The following EIF2AK1 variants were observed in gnomAD, a reference collection of about 807,000 sequenced individuals.
EIF2AK1 encodes eukaryotic translation initiation factor 2-alpha kinase 1.
Under a neutral mutation model 77.9 loss-of-function variants are expected in EIF2AK1, and 54 were observed. The observed-to-expected ratio is 0.69, with a 90% CI of 0.56 to 0.87. The LOEUF (loss-of-function observed/expected upper bound fraction) is 0.87. Ranked by LOEUF, EIF2AK1 falls within the 40% of genes least tolerant of loss-of-function variation. EIF2AK1 has a pLI of 0.00. For synonymous variants in EIF2AK1, 314 were observed against 290.5 expected, an observed-to-expected ratio of 1.08 and a Z score of -0.82; for missense variants, 810 against 768.6, an observed-to-expected ratio of 1.05 and a Z score of -0.64.
chr7:6,026,584 G>A (rs760713869), intron 14 of EIF2AK1, 144 bp downstream of exon 14: 47 of 738,248 alleles, frequency 6.4e-5, no homozygotes, highest in African/African-American at 5.4e-4. Context: ...GGAAGTGGAC[G>A]AGAACAAACA....
At position 6,046,883 on chromosome 7, in the gene EIF2AK1, G is replaced by C. The variant is rs972250301; in HGVS notation, c.549+109C>G. The C allele has an allele frequency of 6.7e-6, 7 of 1,044,148 alleles. No homozygotes were observed. The South Asian group carries it at 8.9e-5, about 13-fold the overall frequency. 64.7% of individuals were successfully genotyped at this position (1,044,148 alleles called of 1,614,324 possible). A position where few individuals can be genotyped will look rare whatever the true frequency, so the allele number is the denominator to read the frequency against. On this transcript the variant is annotated intron_variant, in intron 5 of 14. Transcript: ENST00000199389. ...CGCCGCGCACTCCAGCCTGGCGACA[G>C]AGCGAGACTCCATCTCAAAAAAATA... is the stretch of plus-strand genomic sequence containing the variant.
chr7:6,042,384 G>A (rs945658607), intron 8 of EIF2AK1, among the ~76,000 whole-genome samples: 1 of 151,488 alleles, frequency 6.6e-6, no homozygotes, highest in African/African-American at 2.4e-5. Context: ...CTGGGAGGCA[G>A]AGGTTGCAGT....
chr7:6,056,613 A>AAAAAATATATATATAT, intron 1 of EIF2AK1, among the ~76,000 whole-genome samples: 72 of 43,708 alleles, frequency 1.6e-3, no homozygotes, highest in Non-Finnish European at 2.8e-3. Context: ...AAAAAAAAAA[A>AAAAAATATATATATAT]ATATATATAT....
At chr7:6,058,753 G>A (rs1583505714) in intron 1 of EIF2AK1, among the ~76,000 whole-genome samples, 1 of 152,342 alleles carries the variant, frequency 6.6e-6, no homozygotes, top group Non-Finnish European at 1.5e-5. Flanking sequence ...AAACAAAGGA[G>A]GGAGAGGCAG....
intron 11 of EIF2AK1, among the ~76,000 whole-genome samples, chr7:6,030,662 C>A (rs1787884421): frequency 6.6e-6 from 1 of 152,156 alleles, no homozygotes; most frequent in Non-Finnish European, 1.5e-5. Flanking sequence ...CCACAGCCAG[C>A]TACTTTTTGT....
At position 6,036,090 on chromosome 7, in the gene EIF2AK1, C is replaced by T. The variant is rs17136349; in HGVS notation, c.1332+1334G>A. 1.9e-3 allele frequency: 2,947 copies of T among 1,550,912 alleles called. 104 individuals carry two copies. The East Asian group carries it at 0.059, about 31-fold the overall frequency. ...ATCTCCAATTTATATGTACCTTCAG[C>T]GCAGTTGCAATGTAAGAGATACGGC... is the stretch of plus-strand genomic sequence containing the variant. On this transcript the variant is annotated intron_variant, in intron 11 of 14. Coordinates refer to ENST00000199389, the MANE Select transcript of EIF2AK1 (RefSeq NM_014413.4). The surrounding 1 kb of genome is among the most constrained non-coding windows in gnomAD (Gnocchi z 4.6).
Position 6,035,171 on chromosome 7 carries a change from T to C in EIF2AK1, c.1332+2253A>G, listed in dbSNP as rs1186368503. 6.6e-6 allele frequency among the ~76,000 whole-genome samples: 1 copy of C among 151,484 alleles called. No homozygotes were observed. The highest frequency in any genetic ancestry group is 1.5e-5 in the Non-Finnish European group (1 of 67,948). On this transcript the variant is annotated intron_variant, in intron 11 of 14. Transcript: ENST00000199389. The surrounding 1 kb of genome is among the most constrained non-coding windows in gnomAD (Gnocchi z 5.5). The stretch of plus-strand genomic sequence containing the variant: ...AGAAGCTGGGCCTTCTTCACAACAT[T>C]GTATAAAAGTGAAAATAATTTTTCA...
At position 6,047,017 on chromosome 7, in the gene EIF2AK1, T is replaced by A; in HGVS notation, c.524A>T (p.Lys175Ile). ...NEFEELAILG[K>I]GGYGRVYKVR... ...CTTGTATACTCTTCCGTATCCACCT[T>A]TTCCTAAGATGGCAAGTTCTTCAAA... The change falls in exon 5 of 15, where the codon AAA becomes ATA. Residue 175 changes from lysine to isoleucine, a missense_variant. Lys to Ile is a moderately radical substitution (Grantham distance 102). Coordinates refer to ENST00000199389, the MANE Select transcript of EIF2AK1 (RefSeq NM_014413.4). The A allele has an allele frequency of 6.2e-7, 1 of 1,613,340 alleles. No individual in the cohort carries two copies. The highest frequency in any genetic ancestry group is 8.5e-7 in the Non-Finnish European group (1 of 1,180,002).
rs1274158838 is a variant in EIF2AK1, at chr7:6,023,779, A to G, written c.*894T>C. 2 of 1,602,818 alleles carry G rather than the reference A, an allele frequency of 1.2e-6. No individual in the cohort carries two copies. Among genetic ancestry groups the G allele is most frequent in the Admixed American group, 1.7e-5 (1 of 57,976 alleles). ...CAGTAAGGGGACTTGTATTAGAGTC[A>G]GAGTCTTTTTATTTAGGCCAGTTGT... On this transcript the variant is annotated 3_prime_UTR_variant, in exon 15 of 15. Transcript: ENST00000199389.
intron 2 of EIF2AK1, among the ~76,000 whole-genome samples, chr7:6,050,603 T>C (rs1396169575): frequency 1.3e-5 from 1 of 77,774 alleles, no homozygotes; most frequent in Non-Finnish European, 3.4e-5. Flanking sequence ...ATTACTTCTC[T>C]TTTTTTTTTT....
At chr7:6,055,878 G>A (rs1349521970) in intron 1 of EIF2AK1, among the ~76,000 whole-genome samples, 2 of 149,878 alleles carry the variant, frequency 1.3e-5, no homozygotes, top group Non-Finnish European at 3.0e-5. Flanking sequence ...AGCCACTCAG[G>A]AGGCTGAGGC....
Position 6,024,443 on chromosome 7 carries a change from T to TC in EIF2AK1, c.*229dup. 1.4e-6 allele frequency: 2 copies of TC among 1,384,572 alleles called. No homozygotes were observed. The highest frequency in any genetic ancestry group is 1.6e-5 in the South Asian group (1 of 62,426). The allele number at this position is 1,384,572 out of a possible 1,614,324, so 85.8% of individuals were successfully genotyped here. The stretch of plus-strand genomic sequence containing the variant: ...AAGGAGAAAATAATTGAGGATGAGG[T>TC]CCAAGTTTTTAGTTTCAGAGACTAG... On this transcript the variant is annotated 3_prime_UTR_variant, in exon 15 of 15. Coordinates refer to ENST00000199389, the MANE Select transcript of EIF2AK1 (RefSeq NM_014413.4).
At chr7:6,041,839 TAA>T (rs35008838) in intron 8 of EIF2AK1, among the ~76,000 whole-genome samples, 14 of 130,744 alleles carry the variant, frequency 1.1e-4, no homozygotes, top group Non-Finnish European at 9.6e-5. Context: ...AGACTCCATC[TAA>T]AAAAAAAAAA....
chr7:6,026,682 T>C, intron 14 of EIF2AK1, 46 bp downstream of exon 14: 1 of 1,543,988 alleles, frequency 6.5e-7, no homozygotes. Context: ...AGAGAGGCAA[T>C]AAAAACCACC....
chr7:6,025,091 G>A (rs779181339), intron 14 of EIF2AK1, among the ~76,000 whole-genome samples: 16 of 151,926 alleles, frequency 1.1e-4, no homozygotes, highest in East Asian at 1.9e-4. Context: ...CACCCGCCTC[G>A]ACCTCCCAAA....
chr7:6,058,982 C>G lies in EIF2AK1; in HGVS notation c.102G>C (p.Pro34=). ...ATCCCTCACCGTCATATTCGGGGTCCGGGCCCTCGGCGGGAAAGTCGATGG... is the reference window on the plus strand; with the variant it reads ...ATCCCTCACCGTCATATTCGGGGTCGGGGCCCTCGGCGGGAAAGTCGATGG... ...PPAIDFPAEG[P]DPEYDESDVP... is the part of the protein sequence containing the mutation. Residue 34 remains proline (P), a synonymous_variant, in exon 1 of 15, where the codon CCG becomes CCC. Transcript: ENST00000199389. 6.5e-7 allele frequency: 1 copy of G among 1,540,476 alleles called. No homozygotes were observed. Among genetic ancestry groups the G allele is most frequent in the Non-Finnish European group, 8.7e-7 (1 of 1,146,638 alleles).
intron 1 of EIF2AK1, chr7:6,058,031 C>A: frequency 4.9e-6 from 2 of 405,980 alleles, no homozygotes; most frequent in South Asian, 1.8e-5. Context: ...ACTCTTTCAC[C>A]TAGTTAGAGT....
chr7:6,047,164 C>T, intron 4 of EIF2AK1, 73 bp from the exon 5 acceptor site: 1 of 1,404,500 alleles, frequency 7.1e-7, no homozygotes, highest in Non-Finnish European at 1.0e-6. Context: ...CTCATGCTCA[C>T]AGGATTACTA....
chr7:6,056,889 T>C (rs912827231), intron 1 of EIF2AK1, among the ~76,000 whole-genome samples: 61 of 151,604 alleles, frequency 4.0e-4, no homozygotes, highest in African/African-American at 1.3e-3. Context: ...ACCTTATATG[T>C]GGGGAAAAAG....
Sources: allele counts gnomAD v4.1 joint callset (sites outside exome capture counted in the v4.1 genomes callset), GRCh38; gene constraint gnomAD v4.1.1; non-coding constraint Gnocchi (gnomAD v3.1); transcripts MANE v1.5; gene names NCBI Gene and HGNC (gene_info 2026-07-23, HGNC 2026-07-21).